Variants in CHAF1B observed in about 807,000 individuals in gnomAD.
CHAF1B encodes the protein chromatin assembly factor 1 subunit B.
In CHAF1B, 10 loss-of-function variants were observed where a neutral mutation model predicts 60.7. The ratio of observed to expected loss-of-function variants is 0.16; its 90% confidence interval spans 0.10 to 0.28. CHAF1B has a LOEUF of 0.28. CHAF1B is among the 10% of genes least tolerant of loss of function. The pLI, the probability that CHAF1B is intolerant of heterozygous loss-of-function variation, is 1.00. For synonymous variants in CHAF1B, 261 were observed against 266.1 expected (o/e 0.98, Z 0.19); for missense variants, 558 against 708.4 (o/e 0.79, Z 2.41).
intron 5 of CHAF1B, among the ~76,000 whole-genome samples, chr21:36,395,634 A>G (rs1177586186): frequency 6.6e-6 from 1 of 152,218 alleles, no homozygotes; most frequent in Non-Finnish European, 1.5e-5. Context: ...TTGATGGGGT[A>G]GGTGGGATCA....
At chr21:36,415,197 TA>T (rs2086308210) in intron 12 of CHAF1B, 97 bp from the exon 13 acceptor site, 1 of 731,382 alleles carries the variant, frequency 1.4e-6, no homozygotes, top group African/African-American at 1.8e-5. Context: ...AAAATTTAAG[TA>T]TTTCCTTTGG....
chr21:36,391,907 A>ATTTTTTT (rs55920360), intron 4 of CHAF1B, among the ~76,000 whole-genome samples: 14 of 67,040 alleles, frequency 2.1e-4, no homozygotes, highest in East Asian at 6.4e-4. Context: ...TGATTTTTAA[A>ATTTTTTT]TTTTTTTTTT....
At chr21:36,385,660 G>A (rs2086024812) in intron 1 of CHAF1B, among the ~76,000 whole-genome samples, 1 of 151,840 alleles carries the variant, frequency 6.6e-6, no homozygotes, top group Non-Finnish European at 1.5e-5. Flanking sequence ...CCCGGTCCCT[G>A]GGAAAGGCGG....
intron 13 of CHAF1B, chr21:36,415,771 G>C: frequency 2.7e-6 from 1 of 371,064 alleles, no homozygotes; most frequent in Admixed American, 3.6e-5. Flanking sequence ...TCTTTTTTTT[G>C]AGATGCAGTC....
intron 9 of CHAF1B, 91 bp downstream of exon 9, chr21:36,408,921 C>G: frequency 1.2e-6 from 1 of 846,096 alleles, no homozygotes; most frequent in Non-Finnish European, 2.0e-6. Flanking sequence ...ATGGTGCGAT[C>G]TCTGCTCACT....
chr21:36,390,614 A>G (rs1222750842), intron 3 of CHAF1B, among the ~76,000 whole-genome samples: 1 of 152,098 alleles, frequency 6.6e-6, no homozygotes, highest in Non-Finnish European at 1.5e-5. Flanking sequence ...TGTTATATAC[A>G]TTGGCCAATT....
In CHAF1B at chr21:36,411,728, G is replaced by C. The variant is rs1369691589; in HGVS notation, c.1061+124G>C. On this transcript the variant is annotated intron_variant, in intron 11 of 13. Coordinates refer to ENST00000314103, the MANE Select transcript of CHAF1B (RefSeq NM_005441.3). The stretch of plus-strand genomic sequence containing the variant: ...TTTGGGGGACATATTCACCAATTTT[G>C]TTTCTTATTTATTTTTTTGAGACCA... 5.1e-6 allele frequency: 6 copies of C among 1,167,766 alleles called. No individual in the cohort carries two copies. In the African/African-American group the frequency reaches 6.2e-5, roughly 12 times the overall value. 72.3% of individuals were successfully genotyped at this position (1,167,766 alleles called of 1,614,324 possible).
rs1029823318 is a variant in CHAF1B at position 36,416,755 on chromosome 21, C to T, written c.*389C>T. The T allele has an allele frequency of 1.9e-5, 3 of 157,494 alleles. No homozygotes were observed. The highest frequency in any genetic ancestry group is 4.8e-5 in the African/African-American group (2 of 41,608). 9.8% of individuals were successfully genotyped at this position (157,494 alleles called of 1,614,324 possible). ...AAAGTAATTTGAGATTTTACTCTGTCGAATTTTAGAGTATTTGAAGTGATT... is the reference window on the plus strand; with the variant it reads ...AAAGTAATTTGAGATTTTACTCTGTTGAATTTTAGAGTATTTGAAGTGATT... On this transcript the variant is annotated 3_prime_UTR_variant, in exon 14 of 14. Transcript: ENST00000314103.
chr21:36,415,942 G>A (rs2086315925), intron 13 of CHAF1B: 2 of 322,012 alleles, frequency 6.2e-6, no homozygotes, highest in Admixed American at 4.5e-5. Context: ...TAGTAGAGTC[G>A]GGGGTTTCAC....
chr21:36,401,290 A>G (rs2086186050), intron 7 of CHAF1B, among the ~76,000 whole-genome samples: 2 of 145,358 alleles, frequency 1.4e-5, no homozygotes, highest in South Asian at 2.1e-4. Flanking sequence ...GTGTATATAT[A>G]TGTTTTTGTA....
intron 6 of CHAF1B, among the ~76,000 whole-genome samples, chr21:36,399,288 T>C (rs13050414): frequency 0.12 from 18,597 of 151,962 alleles, 1,682 homozygotes; most frequent in East Asian, 0.42. Context: ...CACCCGCCTC[T>C]GCCTCCCAAA....
In CHAF1B at chr21:36,389,800, T is replaced by TGTGTGC; in HGVS notation, c.260-1750_260-1749insTGTGCG. Among the ~76,000 whole-genome samples, 786 of 124,730 alleles carry TGTGTGC rather than the reference T, an allele frequency of 6.3e-3. 3 individuals are homozygous for TGTGTGC. Among genetic ancestry groups the TGTGTGC allele is most frequent in the African/African-American group, 8.4e-3 (239 of 28,424 alleles). The allele number at this position is 124,730 out of a possible 152,430, so 81.8% of individuals were successfully genotyped here. A position where few individuals can be genotyped will look rare whatever the true frequency, so the allele number is the denominator to read the frequency against. On this transcript the variant is annotated intron_variant, in intron 3 of 13. Transcript: ENST00000314103. ...GTGTGTGTGTGTGTGTGTGTGTGTG[T>TGTGTGC]GCGCGCGCACGCTGATTTGTAGAGG... is the stretch of plus-strand genomic sequence containing the variant.
At chr21:36,390,529 C>G (rs2086078218) in intron 3 of CHAF1B, among the ~76,000 whole-genome samples, 1 of 152,056 alleles carries the variant, frequency 6.6e-6, no homozygotes, top group South Asian at 2.1e-4. Flanking sequence ...GGCTAAAGTA[C>G]CTGATATCTA....
chr21:36,413,582 G>T (rs904598477), intron 12 of CHAF1B, among the ~76,000 whole-genome samples: 22 of 152,180 alleles, frequency 1.4e-4, no homozygotes, highest in African/African-American at 5.3e-4. Flanking sequence ...ATCCAGGACT[G>T]TGGCCACTCT....
intron 7 of CHAF1B, among the ~76,000 whole-genome samples, chr21:36,401,749 T>C (rs2086193722): frequency 6.7e-6 from 1 of 150,330 alleles, no homozygotes; most frequent in East Asian, 1.9e-4. Context: ...TAAATGCTTG[T>C]TTGTTTGTTG....
At chr21:36,405,757 A>C (rs1355647790) in intron 8 of CHAF1B, among the ~76,000 whole-genome samples, 1 of 152,140 alleles carries the variant, frequency 6.6e-6, no homozygotes, top group Non-Finnish European at 1.5e-5. Flanking sequence ...AGAAAGGGGC[A>C]GGACCTTTAT....
At chr21:36,389,994 C>T (rs999250377) in intron 3 of CHAF1B, among the ~76,000 whole-genome samples, 1 of 152,074 alleles carries the variant, frequency 6.6e-6, no homozygotes, top group Non-Finnish European at 1.5e-5. Context: ...GCATGTTAAC[C>T]AAGCTCCCAG....
intron 4 of CHAF1B, among the ~76,000 whole-genome samples, chr21:36,393,837 T>A (rs2835341): frequency 2.6e-5 from 4 of 151,934 alleles, no homozygotes; most frequent in Non-Finnish European, 5.9e-5. Context: ...ATTTTAATGC[T>A]TAGTTCTGGA....
intron 9 of CHAF1B, 105 bp downstream of exon 9, chr21:36,408,935 A>C (rs1601567064): frequency 6.8e-6 from 5 of 735,116 alleles, no homozygotes; most frequent in South Asian, 4.9e-5. Context: ...GCTCACTGCA[A>C]CCTCTGCCTC....
Sources: allele counts gnomAD v4.1 joint callset (sites outside exome capture counted in the v4.1 genomes callset), GRCh38; gene constraint gnomAD v4.1.1; transcripts MANE v1.5; gene names NCBI Gene and HGNC (gene_info 2026-07-23, HGNC 2026-07-21).